Variants in PEX5L observed in about 807,000 individuals in gnomAD.
PEX5L encodes the protein peroxisomal biogenesis factor 5 like.
In PEX5L, 30 loss-of-function variants were observed where a neutral mutation model predicts 84.0. That is an observed-to-expected ratio of 0.36 (90% CI 0.27 to 0.48). The LOEUF is 0.48. Among genes scored for constraint, PEX5L ranks in the 20% least tolerant of loss-of-function variants. The pLI is 0.99. For missense variants in PEX5L, 533 were observed against 754.6 expected, an observed-to-expected ratio of 0.71 and a Z score of 3.44; for synonymous variants, 270 against 283.1, an observed-to-expected ratio of 0.95 and a Z score of 0.46.
At chr3:179,838,490 A>G (rs536845419) in intron 8 of PEX5L, among the ~76,000 whole-genome samples, 1 of 152,322 alleles carries the variant, frequency 6.6e-6, no homozygotes, top group East Asian at 1.9e-4. Context: ...TTTGCTTCTG[A>G]TAAGTTCTGT....
chr3:179,940,848 G>A (rs367906806), intron 2 of PEX5L, among the ~76,000 whole-genome samples: 26 of 152,332 alleles, frequency 1.7e-4, no homozygotes, highest in African/African-American at 5.5e-4. Flanking sequence ...CTTCTAGCAC[G>A]AAAAGAGAAA....
chr3:179,936,202 A>T (rs1261515190), intron 2 of PEX5L, among the ~76,000 whole-genome samples: 1 of 152,102 alleles, frequency 6.6e-6, no homozygotes, highest in Non-Finnish European at 1.5e-5. Context: ...AGTTGAGCCA[A>T]ATGATTCCTT....
intron 8 of PEX5L, among the ~76,000 whole-genome samples, chr3:179,858,462 CTTTCT>C (rs1170580905): frequency 1.3e-5 from 2 of 151,832 alleles, no homozygotes; most frequent in African/African-American, 4.8e-5. Flanking sequence ...CTCTCTCTCT[CTTTCT>C]TATTAGAAGA....
intron 8 of PEX5L, among the ~76,000 whole-genome samples, chr3:179,854,741 T>C (rs1373420343): frequency 1.3e-5 from 2 of 152,214 alleles, no homozygotes; most frequent in Non-Finnish European, 2.9e-5. Context: ...CAAATATTTA[T>C]TGATTATTCG....
chr3:179,808,494 T>G, intron 12 of PEX5L, 57 bp from the exon 13 acceptor site: 1 of 1,240,022 alleles, frequency 8.1e-7, no homozygotes, highest in Non-Finnish European at 1.1e-6. Flanking sequence ...CATAAATGAT[T>G]TACTGTTAAA....
intron 10 of PEX5L, among the ~76,000 whole-genome samples, chr3:179,813,749 T>G (rs953979665): frequency 6.8e-6 from 1 of 147,580 alleles, no homozygotes; most frequent in African/African-American, 2.5e-5. Context: ...CAATCTCGGC[T>G]CACTGCAAGC....
chr3:179,875,717 T>C (rs1007569097), intron 5 of PEX5L, among the ~76,000 whole-genome samples: 2 of 152,232 alleles, frequency 1.3e-5, no homozygotes, highest in African/African-American at 2.4e-5. Flanking sequence ...AAATCTCCTG[T>C]TAAGATAAAT....
chr3:179,943,999 C>G (rs1368802672), intron 2 of PEX5L, among the ~76,000 whole-genome samples: 1 of 150,102 alleles, frequency 6.7e-6, no homozygotes, highest in East Asian at 1.9e-4. Flanking sequence ...AGAATATGCC[C>G]TCCCCCCCCC....
chr3:180,034,315 T>C (rs187937347), intron 1 of PEX5L, among the ~76,000 whole-genome samples: 1 of 152,342 alleles, frequency 6.6e-6, no homozygotes, highest in East Asian at 1.9e-4. Context: ...GAAATGTTAG[T>C]AAATCTGCTT....
chr3:179,971,517 G>A, intron 2 of PEX5L, 77 bp downstream of exon 2: 1 of 1,480,736 alleles, frequency 6.8e-7, no homozygotes, highest in South Asian at 1.4e-5. Context: ...TGCCAGAGAA[G>A]GGCTGAACAC....
intron 2 of PEX5L, among the ~76,000 whole-genome samples, chr3:179,964,621 A>C (rs1782868768): frequency 6.6e-6 from 1 of 152,230 alleles, no homozygotes; most frequent in Non-Finnish European, 1.5e-5. Context: ...AAACTACTCC[A>C]TTAAAAAGTG....
chr3:179,802,550 A>AAT (rs1553813982), intron 14 of PEX5L, among the ~76,000 whole-genome samples: 23 of 131,560 alleles, frequency 1.7e-4, no homozygotes, highest in Admixed American at 1.4e-3. Flanking sequence ...AAAAAAAAAA[A>AAT]AAAAGAAAAG....
chr3:179,904,523 A>C (rs574054410), intron 2 of PEX5L, among the ~76,000 whole-genome samples: 24 of 152,290 alleles, frequency 1.6e-4, no homozygotes, highest in Middle Eastern at 3.4e-3. Flanking sequence ...CTTGGTCTGA[A>C]TGATTGGAGC....
intron 8 of PEX5L, among the ~76,000 whole-genome samples, chr3:179,826,641 T>C (rs1730607866): frequency 6.6e-6 from 1 of 152,112 alleles, no homozygotes; most frequent in Non-Finnish European, 1.5e-5. Flanking sequence ...GGGGTTTGAA[T>C]CTTGTCTGTG....
chr3:179,822,664 G>A (rs1471609096), intron 8 of PEX5L, among the ~76,000 whole-genome samples: 1 of 152,120 alleles, frequency 6.6e-6, no homozygotes, highest in African/African-American at 2.4e-5. Flanking sequence ...AAAGACCTTC[G>A]ACATAACTGA....
intron 1 of PEX5L, among the ~76,000 whole-genome samples, chr3:180,024,826 C>T (rs181068705): frequency 9.9e-5 from 15 of 152,234 alleles, no homozygotes; most frequent in Admixed American, 9.2e-4. Context: ...AACGTTCTGT[C>T]ATAGCCTCAG....
At chr3:179,807,567 G>A in intron 14 of PEX5L, 107 bp downstream of exon 14, 1 of 1,026,538 alleles carries the variant, frequency 9.7e-7, no homozygotes, top group Non-Finnish European at 1.4e-6. Context: ...GGCAGGAGGA[G>A]GAATACTCCT....
At chr3:179,901,817 A>G (rs1761443620) in intron 2 of PEX5L, 1 of 152,250 alleles carries the variant, frequency 6.6e-6, no homozygotes, top group African/African-American at 2.4e-5. Flanking sequence ...ATTAGGTTCT[A>G]TTATAAGAGC....
At chr3:179,826,927 T>C (rs759343043) in intron 8 of PEX5L, among the ~76,000 whole-genome samples, 4 of 152,120 alleles carry the variant, frequency 2.6e-5, no homozygotes, top group Non-Finnish European at 4.4e-5. Flanking sequence ...CTCAAGAAGC[T>C]CAGTGCCTAA....
Sources: gnomAD v4.1 joint callset for allele counts (sites outside exome capture counted in the v4.1 genomes callset) on GRCh38, gnomAD v4.1.1 for gene constraint, MANE v1.5 for transcripts, NCBI Gene and HGNC (gene_info 2026-07-23, HGNC 2026-07-21) for gene names.